The following PDE1C variants were observed in gnomAD, a reference collection of about 807,000 sequenced individuals.
PDE1C encodes dual specificity calcium/calmodulin-dependent 3',5'-cyclic nucleotide phosphodiesterase 1C.
PDE1C carries 62 observed loss-of-function variants against 93.1 expected under a neutral mutation model. The observed-to-expected ratio is 0.67, with a 90% CI of 0.54 to 0.82. PDE1C has a LOEUF of 0.82. Among genes scored for constraint, PDE1C ranks in the 40% least tolerant of loss-of-function variants. PDE1C has a pLI of 0.00. For synonymous variants in PDE1C, 325 were observed against 310.1 expected, an observed-to-expected ratio of 1.05 and a Z score of -0.50; for missense variants, 742 against 884.6, an observed-to-expected ratio of 0.84 and a Z score of 2.04.
At chr7:31,819,922 A>G (rs771923316) in intron 14 of PDE1C, among the ~76,000 whole-genome samples, 1 of 152,164 alleles carries the variant, frequency 6.6e-6, no homozygotes, top group African/African-American at 2.4e-5. Flanking sequence ...AATTTTGACT[A>G]TTTCAAATCT....
Position 31,868,482 on chromosome 7 carries a change from T to A in PDE1C, c.610-3400A>T, listed in dbSNP as rs60521157. Among the ~76,000 whole-genome samples, 168 of 151,974 alleles carry A rather than the reference T, an allele frequency of 1.1e-3. 1 individual carries two copies. Among genetic ancestry groups the A allele is most frequent in the African/African-American group, 3.8e-3 (159 of 41,506 alleles). The stretch of plus-strand genomic sequence containing the variant: ...AAGTTCAGAACTAGAAGACAGGTCT[T>A]CACAAAAAATGCAGTCTGGCAAAAA... On this transcript the variant is annotated intron_variant, in intron 6 of 17. Transcript: ENST00000396191.
At chr7:32,358,897 C>CTGTGTGTGTGTGTGTGTG (rs71559224) in intron 1 of PDE1C, among the ~76,000 whole-genome samples, 11,228 of 145,154 alleles carry the variant, frequency 0.077, 550 homozygotes, top group African/African-American at 0.12. Context: ...GTGTGTGTGT[C>CTGTGTGTGTGTGTGTGTG]TGTGTGTGTG....
At chr7:32,162,688 C>T (rs778788062) in intron 3 of PDE1C, among the ~76,000 whole-genome samples, 38 of 152,246 alleles carry the variant, frequency 2.5e-4, no homozygotes, top group Non-Finnish European at 4.4e-4. Context: ...CAGTCATCGC[C>T]AATGGGTTCC....
chr7:31,644,186 A>G, the PDE1C span, among the ~76,000 whole-genome samples: 1 of 152,242 alleles, frequency 6.6e-6, no homozygotes, highest in African/African-American at 2.4e-5. Flanking sequence ...TTTATCATTA[A>G]TCATCATTTT....
intron 1 of PDE1C, among the ~76,000 whole-genome samples, chr7:32,360,739 T>C (rs1043133411): frequency 1.3e-5 from 2 of 152,220 alleles, no homozygotes; most frequent in Admixed American, 6.5e-5. Flanking sequence ...GAGGCTGGTC[T>C]TGAGGAAATC....
the PDE1C span, among the ~76,000 whole-genome samples, chr7:31,742,989 CA>C: frequency 1.3e-5 from 2 of 152,152 alleles, no homozygotes; most frequent in African/African-American, 2.4e-5. Context: ...TTCTACTTCC[CA>C]AGTTCATAAC....
intron 2 of PDE1C, among the ~76,000 whole-genome samples, chr7:31,906,898 G>A (rs556961918): frequency 7.9e-5 from 12 of 152,126 alleles, no homozygotes; most frequent in Admixed American, 2.0e-4. Flanking sequence ...TTAACACCAC[G>A]CTTTTAAGCC....
chr7:32,417,625 AG>A (rs1367562758), intron 1 of PDE1C, among the ~76,000 whole-genome samples: 1 of 151,096 alleles, frequency 6.6e-6, no homozygotes, highest in Non-Finnish European at 1.5e-5. Context: ...ATTAACTCCC[AG>A]GGAAAAGTTC....
the PDE1C span, among the ~76,000 whole-genome samples, chr7:31,703,451 G>A: frequency 6.6e-6 from 1 of 152,172 alleles, no homozygotes; most frequent in East Asian, 1.9e-4. Context: ...GGTGGGAAGG[G>A]GGAGAGGTTG....
intron 2 of PDE1C, among the ~76,000 whole-genome samples, chr7:32,181,712 T>C (rs1182095786): frequency 6.6e-6 from 1 of 151,684 alleles, no homozygotes; most frequent in Non-Finnish European, 1.5e-5. Context: ...GATCTAAAAT[T>C]GACACCCTAA....
intron 1 of PDE1C, among the ~76,000 whole-genome samples, chr7:32,383,890 C>A (rs1318755918): frequency 1.3e-5 from 2 of 152,218 alleles, no homozygotes; most frequent in African/African-American, 2.4e-5. Context: ...CTTCTCCAAA[C>A]CTCAGTTTCT....
chr7:32,357,060 T>A (rs7809183), intron 1 of PDE1C, among the ~76,000 whole-genome samples: 1 of 152,138 alleles, frequency 6.6e-6, no homozygotes, highest in South Asian at 2.1e-4. Flanking sequence ...TAGGCCGGGC[T>A]CAGTGGCTCA....
the PDE1C span, among the ~76,000 whole-genome samples, chr7:31,691,774 C>CA: frequency 3.9e-5 from 4 of 103,142 alleles, no homozygotes; most frequent in South Asian, 3.3e-4. Flanking sequence ...TTACTTTATA[C>CA]AATAGTTGTA....
At chr7:31,986,190 G>A (rs1045376250) in intron 2 of PDE1C, among the ~76,000 whole-genome samples, 1 of 152,160 alleles carries the variant, frequency 6.6e-6, no homozygotes, top group Non-Finnish European at 1.5e-5. Flanking sequence ...AGGCTGTTGA[G>A]AAGAATCCTT....
At chr7:31,634,006 A>G in the PDE1C span, among the ~76,000 whole-genome samples, 2 of 152,190 alleles carry the variant, frequency 1.3e-5, no homozygotes, top group Admixed American at 1.3e-4. Flanking sequence ...AGCCCAGCCC[A>G]GAAAAGCAGG....
chr7:32,029,804 T>C (rs1455548661), intron 2 of PDE1C, among the ~76,000 whole-genome samples: 1 of 152,102 alleles, frequency 6.6e-6, no homozygotes, highest in Non-Finnish European at 1.5e-5. Flanking sequence ...CTGAAAGAGA[T>C]AGAAAGCAGA....
At chr7:32,039,039 C>A (rs1006128987) in intron 2 of PDE1C, among the ~76,000 whole-genome samples, 23 of 152,076 alleles carry the variant, frequency 1.5e-4, no homozygotes, top group African/African-American at 5.6e-4. Flanking sequence ...CCACCACCAC[C>A]ATCAGCACCA....
At chr7:32,425,442 ACT>A (rs1301415510) in intron 1 of PDE1C, among the ~76,000 whole-genome samples, 1 of 152,202 alleles carries the variant, frequency 6.6e-6, no homozygotes, top group Non-Finnish European at 1.5e-5. Context: ...GTGATATAAA[ACT>A]CAGAATGTAA....
intron 2 of PDE1C, among the ~76,000 whole-genome samples, chr7:31,972,160 A>G (rs1811051792): frequency 6.6e-6 from 1 of 152,196 alleles, no homozygotes; most frequent in Non-Finnish European, 1.5e-5. Flanking sequence ...GATAATTTAA[A>G]CTGTACTGGT....
Sources: allele counts gnomAD v4.1 joint callset (sites outside exome capture counted in the v4.1 genomes callset), GRCh38; gene constraint gnomAD v4.1.1; transcripts MANE v1.5; gene names NCBI Gene and HGNC (gene_info 2026-07-23, HGNC 2026-07-21).